The following SLC39A11 variants were observed in gnomAD, a reference collection of about 807,000 sequenced individuals.
SLC39A11 encodes the protein solute carrier family 39 member 11.
In SLC39A11, 33 loss-of-function variants were observed where a neutral mutation model predicts 36.1. That is an observed-to-expected ratio of 0.91 (90% confidence interval 0.69 to 1.22). The LOEUF (loss-of-function observed/expected upper bound fraction) is 1.22, where lower values mean the gene tolerates loss of function less well. Among genes scored for constraint, SLC39A11 ranks in the 50% most tolerant of loss-of-function variants. SLC39A11 has a pLI of 0.00. For synonymous variants in SLC39A11, 166 were observed against 170.3 expected (o/e 0.97, Z 0.20); for missense variants, 432 against 430.3 (o/e 1.00, Z -0.03).
chr17:72,805,806 T>TG (rs1026749361), intron 6 of SLC39A11, among the ~76,000 whole-genome samples: 2 of 151,514 alleles, frequency 1.3e-5, no homozygotes, highest in African/African-American at 4.9e-5. Context: ...TGGAGTGTAG[T>TG]GGGGCGATCC....
chr17:72,764,367 G>A (rs2075692178), intron 6 of SLC39A11, among the ~76,000 whole-genome samples: 1 of 152,122 alleles, frequency 6.6e-6, no homozygotes, highest in Non-Finnish European at 1.5e-5. Flanking sequence ...TTCTGTGCTT[G>A]GCAAGGACAC....
chr17:72,830,038 G>A (rs2078212964), intron 6 of SLC39A11, among the ~76,000 whole-genome samples: 1 of 152,162 alleles, frequency 6.6e-6, no homozygotes, highest in Non-Finnish European at 1.5e-5. Context: ...CAGGAAGGAA[G>A]GAGAGAGGAG....
At chr17:72,888,300 A>G (rs555372108) in intron 5 of SLC39A11, among the ~76,000 whole-genome samples, 6 of 152,334 alleles carry the variant, frequency 3.9e-5, no homozygotes, top group African/African-American at 1.4e-4. Flanking sequence ...GTATCTTGCC[A>G]CAGTGCTAAG....
chr17:73,065,061 A>T (rs57386711), intron 3 of SLC39A11, among the ~76,000 whole-genome samples: 14,291 of 152,028 alleles, frequency 0.094, 1,008 homozygotes, highest in East Asian at 0.22. Context: ...GCAAAGGGGG[A>T]AAGAGATTGA....
chr17:73,024,960 C>A (rs1307943547), intron 4 of SLC39A11, among the ~76,000 whole-genome samples: 2 of 150,116 alleles, frequency 1.3e-5, no homozygotes, highest in Non-Finnish European at 3.0e-5. Flanking sequence ...AACTGATCCA[C>A]CCACCTCGGC....
intron 6 of SLC39A11, among the ~76,000 whole-genome samples, chr17:72,738,296 A>G (rs2074522453): frequency 6.6e-6 from 1 of 152,082 alleles, no homozygotes; most frequent in Admixed American, 6.6e-5. Context: ...GAGCCACCGC[A>G]CCTGGCCAAG....
rs1004860504 is a variant in SLC39A11 at position 73,032,748 on chromosome 17, G to A, written c.148-1034C>T. Among the ~76,000 whole-genome samples, 9 of 152,106 alleles carry A rather than the reference G, an allele frequency of 5.9e-5. No homozygotes were observed. The East Asian group carries it at 7.7e-4, about 13-fold the overall frequency. ...ATCTGAAGATAACCAGCAAGTCAAC[G>A]TCATATTGGTCTCATCAATTATCTC... On this transcript the variant is annotated intron_variant, in intron 3 of 9. Coordinates refer to ENST00000255559, the MANE Select transcript of SLC39A11 (RefSeq NM_139177.4).
At chr17:72,706,989 G>A (rs1362536810) in intron 7 of SLC39A11, among the ~76,000 whole-genome samples, 2 of 152,246 alleles carry the variant, frequency 1.3e-5, no homozygotes, top group Non-Finnish European at 2.9e-5. Context: ...CATGGGTTAT[G>A]TGTGGCCGTT....
intron 7 of SLC39A11, among the ~76,000 whole-genome samples, chr17:72,661,536 C>T (rs1171119347): frequency 1.3e-5 from 2 of 152,176 alleles, no homozygotes; most frequent in African/African-American, 4.8e-5. Context: ...GTGGCAGGCC[C>T]TTACATACTG....
intron 6 of SLC39A11, among the ~76,000 whole-genome samples, chr17:72,845,123 C>T (rs2078993297): frequency 6.6e-6 from 1 of 152,220 alleles, no homozygotes. Flanking sequence ...TCCCTGCTTC[C>T]ATCCTTACCT....
intron 5 of SLC39A11, among the ~76,000 whole-genome samples, chr17:72,888,557 GCAA>G (rs924163334): frequency 3.9e-5 from 6 of 152,244 alleles, no homozygotes; most frequent in Non-Finnish European, 8.8e-5. Flanking sequence ...AGAGTCCCAT[GCAA>G]CAACATCATT....
intron 5 of SLC39A11, among the ~76,000 whole-genome samples, chr17:72,887,692 T>G (rs1399851895): frequency 6.6e-6 from 1 of 152,212 alleles, no homozygotes; most frequent in African/African-American, 2.4e-5. Context: ...ATTGCAGGCA[T>G]TCAGGGAATT....
intron 5 of SLC39A11, among the ~76,000 whole-genome samples, chr17:72,879,198 G>A (rs2081070582): frequency 6.6e-6 from 1 of 152,168 alleles, no homozygotes; most frequent in Non-Finnish European, 1.5e-5. Context: ...TTTTATGGAG[G>A]CGTCATGATT....
At chr17:72,758,837 G>T (rs16977367) in intron 6 of SLC39A11, among the ~76,000 whole-genome samples, 4 of 152,086 alleles carry the variant, frequency 2.6e-5, no homozygotes, top group African/African-American at 9.7e-5. Flanking sequence ...ACTTGTATAC[G>T]CCAACCGGAA....
chr17:73,057,542 A>G (rs1455579638), intron 3 of SLC39A11, among the ~76,000 whole-genome samples: 1 of 152,266 alleles, frequency 6.6e-6, no homozygotes, highest in Admixed American at 6.5e-5. Context: ...CTCTCAGATC[A>G]ACGAGGTCTG....
chr17:72,910,716 C>G (rs1368340530), intron 5 of SLC39A11, among the ~76,000 whole-genome samples: 1 of 150,206 alleles, frequency 6.7e-6, no homozygotes, highest in Admixed American at 6.7e-5. Flanking sequence ...CACTTCAGGC[C>G]AGGAGTTCAA....
At chr17:72,689,854 T>C (rs757969376) in intron 7 of SLC39A11, among the ~76,000 whole-genome samples, 1 of 152,136 alleles carries the variant, frequency 6.6e-6, no homozygotes, top group Non-Finnish European at 1.5e-5. Context: ...GATGAAAACA[T>C]TTTGGAAGAT....
At position 72,773,680 on chromosome 17, in the gene SLC39A11, C is replaced by CACACACACACAT. The variant is rs879349280; in HGVS notation, c.602-36962_602-36961insATGTGTGTGTGT. Among the ~76,000 whole-genome samples, 673 of 150,134 alleles carry CACACACACACAT rather than the reference C, an allele frequency of 4.5e-3. 15 individuals carry two copies. Among genetic ancestry groups the CACACACACACAT allele is most frequent in the African/African-American group, 0.015 (591 of 40,634 alleles). ...ACACACACACACACACACACACACC[C>CACACACACACAT]AGTATATAAAGGATATCAGTGTCAT... On this transcript the variant is annotated intron_variant, in intron 6 of 9. Transcript: ENST00000255559.
chr17:72,716,691 C>T (rs1216036565), intron 7 of SLC39A11, among the ~76,000 whole-genome samples: 6 of 151,988 alleles, frequency 3.9e-5, no homozygotes, highest in Admixed American at 1.3e-4. Flanking sequence ...CCTCAGAGCC[C>T]GGTGTGGTGG....
Sources: allele counts gnomAD v4.1 joint callset (sites outside exome capture counted in the v4.1 genomes callset), GRCh38; gene constraint gnomAD v4.1.1; transcripts MANE v1.5; gene names NCBI Gene and HGNC (gene_info 2026-07-23, HGNC 2026-07-21).